FAM72B: variants seen among roughly 807,000 people sequenced by gnomAD.
FAM72B encodes protein FAM72B.
A neutral mutation model predicts 12.6 loss-of-function variants in FAM72B; 4 were observed. The ratio of observed to expected loss-of-function variants is 0.32; its 90% CI spans 0.16 to 0.73. The LOEUF (loss-of-function observed/expected upper bound fraction) is 0.73. FAM72B is among the 30% of genes least tolerant of loss of function. The pLI, the probability that FAM72B is intolerant of heterozygous loss-of-function variation, is 0.67. For missense variants in FAM72B, 61 were observed against 158.4 expected (o/e 0.39, Z 3.30); for synonymous variants, 13 against 53.9 (o/e 0.24, Z 3.32).
chr1:121,177,252 A>G lies in FAM72B; in HGVS notation c.311T>C (p.Phe104Ser). ...PSCNNGHFWM[F>S]HSQAVYDINR... Reference sequence around the variant, plus strand: ...AATATCATAAACTGCCTGGCTGTGAAACATCCAGAAGTGTCCGTTGTTGCA... The same window carrying G: ...AATATCATAAACTGCCTGGCTGTGAGACATCCAGAAGTGTCCGTTGTTGCA... The change falls in exon 3 of 4, where the codon TTT (phenylalanine) becomes TCT (serine). Residue 104 changes from phenylalanine to serine, a missense_variant. By Grantham distance (155) the Phe-to-Ser change is radical. Around this residue, in one of 2 missense-constraint regions of FAM72B, gnomAD observed 49 missense variants for 80.4 expected, o/e 0.61. Transcript: ENST00000369390. The G allele has an allele frequency of 1.2e-6, 2 of 1,611,540 alleles. No individual in the cohort carries two copies. Among genetic ancestry groups the G allele is most frequent in the Non-Finnish European group, 1.7e-6 (2 of 1,179,796 alleles).
At chr1:121,179,276 G>A (rs1464177650) in intron 2 of FAM72B, among the ~76,000 whole-genome samples, 2 of 151,034 alleles carry the variant, frequency 1.3e-5, no homozygotes, top group South Asian at 2.1e-4. Flanking sequence ...TACTCGGGAG[G>A]CAGAGGTGAG....
At position 121,168,685 on chromosome 1, in the gene FAM72B, A is replaced by G; in HGVS notation, c.*56T>C. On this transcript the variant is annotated 3_prime_UTR_variant, in exon 4 of 4. Transcript: ENST00000369390. ...CAACTAACAATTTTAAAGTTGATCC[A>G]TTAATATATTTTTAAATAGAAAAAA... 1 of 1,292,120 alleles carries G rather than the reference A, an allele frequency of 7.7e-7. No homozygotes were observed. The highest frequency in any genetic ancestry group is 1.0e-6 in the Non-Finnish European group (1 of 982,128). 80.0% of individuals were successfully genotyped at this position (1,292,120 alleles called of 1,614,324 possible).
chr1:121,173,092 AG>A (rs1243116636), intron 3 of FAM72B, among the ~76,000 whole-genome samples: 5 of 151,070 alleles, frequency 3.3e-5, no homozygotes, highest in Non-Finnish European at 5.9e-5. Flanking sequence ...AAAAAAAAAA[AG>A]AATTAGTATT....
In FAM72B at chr1:121,168,840, A is replaced by G. The variant is rs782547571; in HGVS notation, c.356-5T>C. On this transcript the variant is annotated splice_region_variant and splice_polypyrimidine_tract_variant and intron_variant, in intron 3 of 3. Coordinates refer to ENST00000369390, the MANE Select transcript of FAM72B (RefSeq NM_001100910.2). ...CCCAAAGTAGGATGTTTACACCTGAAAATAAAAAATCATAAAATTCTTTAA... is the reference window on the plus strand; with the variant it reads ...CCCAAAGTAGGATGTTTACACCTGAGAATAAAAAATCATAAAATTCTTTAA... The G allele has an allele frequency of 6.9e-6, 11 of 1,605,174 alleles. No homozygotes were observed. Among genetic ancestry groups the G allele is most frequent in the Non-Finnish European group, 8.5e-6 (10 of 1,178,046 alleles).
chr1:121,170,043 TC>T (rs1310293892), intron 3 of FAM72B, among the ~76,000 whole-genome samples: 14 of 152,120 alleles, frequency 9.2e-5, no homozygotes, highest in Admixed American at 9.2e-4. Flanking sequence ...TAATCTTGGC[TC>T]ACTGCAACCT....
At chr1:121,173,176 C>G (rs1267870399) in intron 3 of FAM72B, among the ~76,000 whole-genome samples, 1 of 138,754 alleles carries the variant, frequency 7.2e-6, no homozygotes, top group Admixed American at 7.6e-5. Flanking sequence ...TACTTTCTTA[C>G]TAAAATAATT....
rs1340478345 is a variant in FAM72B, at chr1:121,168,783, A to G, written c.408T>C (p.Asp136=). ...GNLPEIEEST[D]EDVLNISAEE... ...CTGCTGAGATATTTAACACATCTTCATCTGTACTCTCTTCTATCTCTGGCA... is the reference window on the plus strand; with the variant it reads ...CTGCTGAGATATTTAACACATCTTCGTCTGTACTCTCTTCTATCTCTGGCA... The change falls in exon 4 of 4, where the codon GAT becomes GAC. Residue 136 remains aspartate, a synonymous_variant. Coordinates refer to ENST00000369390, the MANE Select transcript of FAM72B (RefSeq NM_001100910.2). The G allele has an allele frequency of 6.2e-7, 1 of 1,606,282 alleles. No homozygotes were observed. Among genetic ancestry groups the G allele is most frequent in the East Asian group, 2.2e-5 (1 of 44,742 alleles).
chr1:121,174,900 G>A (rs1201593584), intron 3 of FAM72B, among the ~76,000 whole-genome samples: 3 of 151,824 alleles, frequency 2.0e-5, no homozygotes, highest in East Asian at 3.9e-4. Flanking sequence ...CATCCACCTC[G>A]GCCTCCCAAA....
chr1:121,183,420 C>G lies in FAM72B; in HGVS notation c.70G>C (p.Val24Leu). The G allele has an allele frequency of 6.4e-7, 1 of 1,554,338 alleles. No individual in the cohort carries two copies. Among genetic ancestry groups the G allele is most frequent in the Non-Finnish European group, 8.7e-7 (1 of 1,155,566 alleles). ...GCCTTCATTCCCCTAGAGCTGAGCACTTGTTTACAGAATTTGCAACACAGG... is the reference window on the plus strand; with the variant it reads ...GCCTTCATTCCCCTAGAGCTGAGCAGTTGTTTACAGAATTTGCAACACAGG... ...SILCCKFCKQVLSSRGMKAVL... is the reference protein window; with the variant it reads ...SILCCKFCKQLLSSRGMKAVL... The change falls in exon 1 of 4, where the codon GTG (valine) becomes CTG (leucine). Residue 24 changes from valine (V) to leucine (L), a missense_variant. Val to Leu is a conservative substitution (Grantham distance 32). Transcript: ENST00000369390.
At chr1:121,171,921 C>T (rs1272529393) in intron 3 of FAM72B, among the ~76,000 whole-genome samples, 5 of 126,826 alleles carry the variant, frequency 3.9e-5, no homozygotes, top group Non-Finnish European at 6.6e-5. Context: ...TCTTGCAATT[C>T]GTGATCTTTT....
At position 121,184,308 on chromosome 1, in the gene FAM72B, G is replaced by GGT. The variant is rs1654415212; in HGVS notation, c.-821_-820dup. ...GCTGGGGTCTGTCACCGAACACGTT[G>GGT]GTTTTCGCTCCCTCTTCCGCTTTTC... On this transcript the variant is annotated 5_prime_UTR_variant, in exon 1 of 4. Transcript: ENST00000369390. 6.7e-6 allele frequency: 1 copy of GGT among 148,604 alleles called. No homozygotes were observed. The highest frequency in any genetic ancestry group is 1.5e-5 in the Non-Finnish European group (1 of 67,490). The allele number at this position is 148,604 out of a possible 1,614,324, so 9.2% of individuals were successfully genotyped here.
In FAM72B at chr1:121,168,688, A is replaced by G; in HGVS notation, c.*53T>C. ...CTAACAATTTTAAAGTTGATCCATT[A>G]ATATATTTTTAAATAGAAAAAAGTT... On this transcript the variant is annotated 3_prime_UTR_variant, in exon 4 of 4. Transcript: ENST00000369390. 7.6e-7 allele frequency: 1 copy of G among 1,310,368 alleles called. No individual in the cohort carries two copies. Among genetic ancestry groups the G allele is most frequent in the Non-Finnish European group, 1.0e-6 (1 of 993,230 alleles). The allele number at this position is 1,310,368 out of a possible 1,614,324, so 81.2% of individuals were successfully genotyped here. A position where few individuals can be genotyped will look rare whatever the true frequency, so the allele number is the denominator to read the frequency against.
At chr1:121,169,941 T>G (rs1450573432) in intron 3 of FAM72B, among the ~76,000 whole-genome samples, 1 of 152,158 alleles carries the variant, frequency 6.6e-6, no homozygotes, top group Non-Finnish European at 1.5e-5. Flanking sequence ...ACCTCTAGGA[T>G]AGCCAATTAA....
intron 3 of FAM72B, 105 bp from the exon 4 acceptor site, chr1:121,168,940 T>C: frequency 8.3e-6 from 5 of 601,690 alleles, no homozygotes; most frequent in Non-Finnish European, 1.5e-5. Context: ...AACCATAGTG[T>C]TAGCAGTAAA....
chr1:121,174,701 A>G (rs1654175971), intron 3 of FAM72B, among the ~76,000 whole-genome samples: 1 of 135,338 alleles, frequency 7.4e-6, no homozygotes, highest in South Asian at 2.4e-4. Flanking sequence ...ATGGAGTTTC[A>G]CTCTTGGTGC....
At chr1:121,173,099 G>T (rs1458902641) in intron 3 of FAM72B, among the ~76,000 whole-genome samples, 1 of 149,440 alleles carries the variant, frequency 6.7e-6, no homozygotes, top group Non-Finnish European at 1.5e-5. Context: ...AAAAGAATTA[G>T]TATTTCAGTG....
In FAM72B at chr1:121,182,614, GTTTA is replaced by G. The variant is rs1352238719; in HGVS notation, c.152+720_152+723del. 2.0e-4 allele frequency among the ~76,000 whole-genome samples: 30 copies of G among 152,130 alleles called. No individual in the cohort carries two copies. The South Asian group carries it at 5.2e-3, about 26-fold the overall frequency. ...AAGTACCATTTAGAGCTAGAAAGAG[GTTTA>G]TTTGAGTAAAATAAAATGGCTATTT... On this transcript the variant is annotated intron_variant, in intron 1 of 3. Transcript: ENST00000369390.
chr1:121,174,428 C>T (rs1163659090), intron 3 of FAM72B, among the ~76,000 whole-genome samples: 10 of 141,936 alleles, frequency 7.0e-5, no homozygotes, highest in East Asian at 2.1e-4. Flanking sequence ...AGTGCAATGG[C>T]GTGATCTTGG....
At chr1:121,174,486 G>GC (rs1481741529) in intron 3 of FAM72B, among the ~76,000 whole-genome samples, 1 of 142,118 alleles carries the variant, frequency 7.0e-6, no homozygotes, top group Non-Finnish European at 1.5e-5. Context: ...TCCTGCCTTA[G>GC]CCTCCCAAGT....
Sources: allele counts gnomAD v4.1 joint callset (sites outside exome capture counted in the v4.1 genomes callset), GRCh38; gene constraint gnomAD v4.1.1; regional missense constraint gnomAD v4.1.1; transcripts MANE v1.5; gene names NCBI Gene and HGNC (gene_info 2026-07-23, HGNC 2026-07-21).